Variants in RABEPK observed in about 807,000 individuals in gnomAD.
RABEPK encodes 40 kDa Rab9 effector protein.
Under a neutral mutation model 34.1 loss-of-function variants are expected in RABEPK, and 27 were observed. That is an observed-to-expected ratio of 0.79 (90% CI 0.58 to 1.09). RABEPK has a LOEUF of 1.09. RABEPK is among the 50% of genes least tolerant of loss of function. The pLI is 0.00. For missense variants in RABEPK, 449 were observed against 462.6 expected (o/e 0.97, Z 0.27); for synonymous variants, 172 against 169.2 (o/e 1.02, Z -0.13).
chr9:125,231,912 T>A (rs1432971722), intron 6 of RABEPK, among the ~76,000 whole-genome samples: 2 of 149,252 alleles, frequency 1.3e-5, no homozygotes, highest in Non-Finnish European at 1.5e-5. Context: ...TTTTTTTTTT[T>A]TTTTGAGACG....
chr9:125,216,647 G>C (rs1830944071), intron 4 of RABEPK, among the ~76,000 whole-genome samples: 1 of 151,968 alleles, frequency 6.6e-6, no homozygotes, highest in Non-Finnish European at 1.5e-5. Flanking sequence ...TGAATACTCA[G>C]GGTACAGAAC....
At chr9:125,209,109 G>A (rs1475996943) in intron 3 of RABEPK, among the ~76,000 whole-genome samples, 1 of 148,588 alleles carries the variant, frequency 6.7e-6, no homozygotes, top group Admixed American at 6.8e-5. Flanking sequence ...CCAGGCTGGA[G>A]TGCAGTGGTG....
At chr9:125,206,493 G>A (rs1476799310) in intron 2 of RABEPK, among the ~76,000 whole-genome samples, 5 of 136,636 alleles carry the variant, frequency 3.7e-5, no homozygotes, top group Non-Finnish European at 8.1e-5. Context: ...GCGAGACTCC[G>A]TCTCAAAAAA....
chr9:125,222,960 A>G, intron 5 of RABEPK, among the ~76,000 whole-genome samples: 1 of 151,062 alleles, frequency 6.6e-6, no homozygotes, highest in East Asian at 2.0e-4. Flanking sequence ...GCATTGAGCC[A>G]CACCACCCGG....
chr9:125,232,787 A>G (rs1457542069), intron 7 of RABEPK, 42 bp downstream of exon 7: 3 of 1,577,620 alleles, frequency 1.9e-6, no homozygotes, highest in South Asian at 1.1e-5. Context: ...AAATCTAAAC[A>G]TTCTTTGAAA....
intron 4 of RABEPK, chr9:125,220,305 G>C: frequency 7.0e-7 from 1 of 1,421,914 alleles, no homozygotes; most frequent in South Asian, 1.7e-5. Context: ...CACCCAGCCT[G>C]ACTCCATTCT....
intron 7 of RABEPK, among the ~76,000 whole-genome samples, chr9:125,233,487 C>T (rs149856676): frequency 1.5e-3 from 231 of 151,812 alleles, no homozygotes; most frequent in African/African-American, 5.4e-3. Context: ...TACAGGTGCC[C>T]GCCACCATGC....
chr9:125,224,939 T>C (rs1019569333), intron 5 of RABEPK, among the ~76,000 whole-genome samples: 1 of 152,150 alleles, frequency 6.6e-6, no homozygotes, highest in Non-Finnish European at 1.5e-5. Flanking sequence ...GTCTGTTTTT[T>C]TCCCCAACCC....
chr9:125,222,465 G>A (rs905246221), intron 5 of RABEPK: 3 of 151,236 alleles, frequency 2.0e-5, no homozygotes, highest in Non-Finnish European at 2.9e-5. Flanking sequence ...GTAATGCCAG[G>A]ACTTTGGGAG....
At chr9:125,209,344 T>C (rs1425046385) in intron 3 of RABEPK, among the ~76,000 whole-genome samples, 1 of 149,298 alleles carries the variant, frequency 6.7e-6, no homozygotes, top group Non-Finnish European at 1.5e-5. Flanking sequence ...TGCATGTGAG[T>C]CACCACACCA....
In RABEPK at chr9:125,233,807, T is replaced by C. The variant is rs140178009; in HGVS notation, c.946T>C (p.Ser316Pro). 7 of 1,614,024 alleles carry C rather than the reference T, an allele frequency of 4.3e-6. No individual in the cohort carries two copies. The highest frequency in any genetic ancestry group is 5.9e-6 in the Non-Finnish European group (7 of 1,180,026). ...TGCTTCTGAGAAAGAAGATTCCAACTCTCTCACTCTGAACCATGAAGCTGA... is the reference window on the plus strand; with the variant it reads ...TGCTTCTGAGAAAGAAGATTCCAACCCTCTCACTCTGAACCATGAAGCTGA... ...TCASEKEDSN[S>P]LTLNHEAEKE... Residue 316 changes from serine to proline, a missense_variant, in exon 8 of 8, where the codon TCT becomes CCT. By Grantham distance (74) the Ser-to-Pro change is moderately conservative (BLOSUM62 -1). Transcript: ENST00000373538.
At chr9:125,220,749 C>T in intron 5 of RABEPK, 49 bp downstream of exon 5, 1 of 1,570,498 alleles carries the variant, frequency 6.4e-7, no homozygotes, top group Non-Finnish European at 8.6e-7. Flanking sequence ...TCCCAGTTTA[C>T]ACATTACCTA....
rs112551512 is a variant in RABEPK, at chr9:125,220,701, G to A, written c.526+1G>A. On this transcript the variant is annotated splice_donor_variant, in intron 5 of 7. Coordinates refer to ENST00000373538, the MANE Select transcript of RABEPK (RefSeq NM_005833.4). LOFTEE classifies it high-confidence loss of function. ...ACGAAGCTGCATGTGTTTGACGCAA[G>A]TATGGACTGGTGGGCACCTTGGGGC... 2 of 1,613,698 alleles carry A rather than the reference G, an allele frequency of 1.2e-6. No individual in the cohort carries two copies. The highest frequency in any genetic ancestry group is 1.7e-6 in the Non-Finnish European group (2 of 1,179,828).
chr9:125,208,662 A>G (rs1830397887), intron 3 of RABEPK, among the ~76,000 whole-genome samples: 2 of 150,472 alleles, frequency 1.3e-5, no homozygotes, highest in African/African-American at 2.5e-5. Flanking sequence ...CAGCCTCCTG[A>G]GAAGCTGGGA....
At chr9:125,202,707 G>A (rs930783372) in intron 1 of RABEPK, among the ~76,000 whole-genome samples, 1 of 152,070 alleles carries the variant, frequency 6.6e-6, no homozygotes, top group Non-Finnish European at 1.5e-5. Context: ...GCACATGCCT[G>A]TAATCCAAGC....
At chr9:125,221,739 G>A (rs1399404080) in intron 5 of RABEPK, 2 of 147,392 alleles carry the variant, frequency 1.4e-5, no homozygotes, top group Non-Finnish European at 3.0e-5. Context: ...GCAGTTGCCC[G>A]ATCTCGGCTC....
rs765233108 is a variant in RABEPK, at chr9:125,207,645, C to T, written c.135C>T (p.Ala45=). 6.2e-7 allele frequency: 1 copy of T among 1,614,012 alleles called. No individual in the cohort carries two copies. Among genetic ancestry groups the T allele is most frequent in the Non-Finnish European group, 8.5e-7 (1 of 1,180,012 alleles). The part of the protein sequence containing the change: ...SCSYLPPVGN[A]KRGKVFIVGG... The stretch of plus-strand genomic sequence containing the variant: ...CATATTTACCCCCAGTTGGTAATGC[C>T]AAGAGAGGGAAGGTCTTCATTGTTG... The change falls in exon 3 of 8, where the codon GCC becomes GCT. Residue 45 remains alanine, a synonymous_variant. Coordinates refer to ENST00000373538, the MANE Select transcript of RABEPK (RefSeq NM_005833.4).
At chr9:125,220,079 A>G (rs1303338666) in intron 4 of RABEPK, among the ~76,000 whole-genome samples, 1 of 151,834 alleles carries the variant, frequency 6.6e-6, no homozygotes, top group Non-Finnish European at 1.5e-5. Flanking sequence ...GCTCACTGCA[A>G]CCTTCACCTC....
chr9:125,226,065 G>A (rs999010374), intron 5 of RABEPK, among the ~76,000 whole-genome samples: 4 of 148,840 alleles, frequency 2.7e-5, no homozygotes, highest in East Asian at 3.9e-4. Context: ...CAGGAGAATC[G>A]CTTGAACCTG....
Sources: allele counts gnomAD v4.1 joint callset (sites outside exome capture counted in the v4.1 genomes callset), GRCh38; gene constraint gnomAD v4.1.1; transcripts MANE v1.5; gene names NCBI Gene and HGNC (gene_info 2026-07-23, HGNC 2026-07-21).